SEC24D: variants seen among roughly 807,000 people sequenced by gnomAD.
The protein encoded by SEC24D is SEC24 homolog D, COPII component.
Under a neutral mutation model 116.9 loss-of-function variants are expected in SEC24D, and 69 were observed. The ratio of observed to expected loss-of-function variants is 0.59; its 90% CI spans 0.49 to 0.72. SEC24D has a LOEUF of 0.72. SEC24D is among the 30% of genes least tolerant of loss of function. The pLI is 0.00. For missense variants in SEC24D, 1,131 were observed against 1,264.1 expected (o/e 0.89, Z 1.60); for synonymous variants, 405 against 442.8 (o/e 0.91, Z 1.07).
intron 22 of SEC24D, among the ~76,000 whole-genome samples, chr4:118,724,225 A>G (rs576723314): frequency 2.0e-5 from 3 of 152,176 alleles, no homozygotes; most frequent in Non-Finnish European, 4.4e-5. Context: ...TCTGAATTAG[A>G]GCAGTGGAGG....
chr4:118,769,190 G>A (rs1478249493), intron 8 of SEC24D, among the ~76,000 whole-genome samples: 3 of 152,088 alleles, frequency 2.0e-5, no homozygotes, highest in Admixed American at 6.6e-5. Context: ...AGAAAAAAAC[G>A]TTTCACAGAA....
At chr4:118,788,510 G>A (rs550506288) in intron 8 of SEC24D, among the ~76,000 whole-genome samples, 36 of 152,150 alleles carry the variant, frequency 2.4e-4, no homozygotes, top group Non-Finnish European at 4.6e-4. Context: ...TCATCCAATT[G>A]TTTTACTATT....
intron 8 of SEC24D, among the ~76,000 whole-genome samples, chr4:118,787,566 A>C (rs963413782): frequency 1.3e-5 from 2 of 152,146 alleles, no homozygotes; most frequent in Non-Finnish European, 2.9e-5. Context: ...TAATCCCGGC[A>C]CTTTGGGAGG....
At chr4:118,729,074 T>G (rs1725552471) in intron 21 of SEC24D, 1 of 156,402 alleles carries the variant, frequency 6.4e-6, no homozygotes, top group African/African-American at 2.4e-5. Context: ...GTTTAACAAC[T>G]ATTTACATAG....
At chr4:118,754,751 C>A (rs561617097) in intron 11 of SEC24D, among the ~76,000 whole-genome samples, 8 of 152,242 alleles carry the variant, frequency 5.3e-5, no homozygotes, top group Admixed American at 3.9e-4. Flanking sequence ...AGCACTGACA[C>A]CATGGATTGA....
intron 19 of SEC24D, chr4:118,738,030 T>G (rs1217373290): frequency 4.6e-6 from 2 of 430,144 alleles, no homozygotes; most frequent in Non-Finnish European, 8.5e-6. Flanking sequence ...CATACCGTAG[T>G]GACTGTCAAC....
chr4:118,735,516 GT>G (rs1725913826), intron 19 of SEC24D, among the ~76,000 whole-genome samples: 1 of 151,528 alleles, frequency 6.6e-6, no homozygotes, highest in African/African-American at 2.4e-5. Flanking sequence ...GGTTTTTTTT[GT>G]TTTTCTTTTT....
At chr4:118,803,432 T>G (rs1426287426) in intron 7 of SEC24D, among the ~76,000 whole-genome samples, 1 of 152,136 alleles carries the variant, frequency 6.6e-6, no homozygotes, top group Non-Finnish European at 1.5e-5. Flanking sequence ...CTCCCTAGTC[T>G]TGTGGGTTAC....
chr4:118,764,740 G>C (rs1727555349), intron 10 of SEC24D, 62 bp downstream of exon 10: 4 of 954,662 alleles, frequency 4.2e-6, no homozygotes, highest in Non-Finnish European at 5.0e-6. Context: ...CTTTACATAT[G>C]AAAGTTATTC....
At chr4:118,827,567 G>A (rs1730638997) in intron 2 of SEC24D, among the ~76,000 whole-genome samples, 1 of 152,122 alleles carries the variant, frequency 6.6e-6, no homozygotes, top group African/African-American at 2.4e-5. Context: ...GTCTTGAGGT[G>A]GAAAAGTGAA....
At chr4:118,803,489 A>T (rs1729540187) in intron 7 of SEC24D, among the ~76,000 whole-genome samples, 1 of 152,172 alleles carries the variant, frequency 6.6e-6, no homozygotes, top group African/African-American at 2.4e-5. Context: ...CTTGGGCAAG[A>T]CAGGCTGGGT....
In SEC24D at chr4:118,815,436, C is replaced by A. The variant is rs1425517150; in HGVS notation, c.673+15G>T. 1 of 1,613,300 alleles carries A rather than the reference C, an allele frequency of 6.2e-7. No homozygotes were observed. Among genetic ancestry groups the A allele is most frequent in the East Asian group, 2.2e-5 (1 of 44,870 alleles). ...GGGTAACACAAAGCCTTCCCCTGCA[C>A]CCTGTCCGCCTTACCCTGCTGCGGA... is the stretch of plus-strand genomic sequence containing the variant. On this transcript the variant is annotated intron_variant, in intron 5 of 22. Transcript: ENST00000280551.
rs780561483 is a variant in SEC24D, at chr4:118,752,124, T to G, written c.1614-35A>C. ...ATGAGTAAGCAAAAGGTTTGAAATGTTTAGCATATTTTAATAAACTTCAAG... is the reference window on the plus strand; with the variant it reads ...ATGAGTAAGCAAAAGGTTTGAAATGGTTAGCATATTTTAATAAACTTCAAG... On this transcript the variant is annotated intron_variant, in intron 12 of 22. Transcript: ENST00000280551. 6.1e-6 allele frequency: 8 copies of G among 1,312,908 alleles called. No individual in the cohort carries two copies. The South Asian group carries it at 9.7e-5, about 16-fold the overall frequency. 81.3% of individuals were successfully genotyped at this position (1,312,908 alleles called of 1,614,324 possible).
rs767084708 is a variant in SEC24D at position 118,723,566 on chromosome 4, A to G, written c.3048T>C (p.Tyr1016=). The G allele has an allele frequency of 1.1e-5, 17 of 1,613,906 alleles. No individual in the cohort carries two copies. Among genetic ancestry groups the G allele is most frequent in the East Asian group, 2.2e-5 (1 of 44,888 alleles). ...TGTGAACACAACAAAGGAAATCCAC[A>G]TAAGAAGAGCCTCCGTAAAGTCCTT... ...EDKGLYGGSS[Y]VDFLCCVHKE... Residue 1016 remains tyrosine, a synonymous_variant, in exon 23 of 23, where the codon TAT becomes TAC. Transcript: ENST00000280551.
chr4:118,757,776 C>T lies in SEC24D; in HGVS notation c.1366G>A (p.Gly456Arg). ...TCTTCACATATGAGCTTGACAAGTC[C>T]ATTCTTTATGTTACTATATGAAACA... ...IDVSYSNIKN[G>R]LVKLICEELK... The change falls in exon 11 of 23, where the codon GGA becomes AGA. Residue 456 changes from glycine to arginine, a missense_variant. By Grantham distance (125) the Gly-to-Arg change is moderately radical (BLOSUM62 -2). Transcript: ENST00000280551. The T allele has an allele frequency of 6.2e-7, 1 of 1,611,836 alleles. No homozygotes were observed. Among genetic ancestry groups the T allele is most frequent in the Non-Finnish European group, 8.5e-7 (1 of 1,179,012 alleles).
rs769202646 is a variant in SEC24D, at chr4:118,723,637, G to A, written c.2977C>T (p.Arg993Ter). 6.2e-7 allele frequency: 1 copy of A among 1,611,334 alleles called. No individual in the cohort carries two copies. Among genetic ancestry groups the A allele is most frequent in the East Asian group, 2.2e-5 (1 of 44,846 alleles). The change falls in exon 23 of 23, where the codon CGA (arginine) becomes TGA (stop). Residue 993 changes from arginine to a stop codon, truncating the protein, a stop_gained. Coordinates refer to ENST00000280551, the MANE Select transcript of SEC24D (RefSeq NM_014822.4). LOFTEE classifies it high-confidence loss of function. ...YSMKLTIVKQ[R>*]EQPEMVFRQF... ...CGGAAAACCATTTCTGGTTGTTCTC[G>A]CTGCTTTACAATTGTGAGCTAGGAA... is the stretch of plus-strand genomic sequence containing the variant.
intron 8 of SEC24D, among the ~76,000 whole-genome samples, chr4:118,781,283 G>T (rs1208256771): frequency 1.3e-5 from 2 of 152,060 alleles, no homozygotes; most frequent in Non-Finnish European, 2.9e-5. Flanking sequence ...GGCAGGCCTG[G>T]TGGTGACAAA....
chr4:118,830,438 C>T (rs1427616014), intron 2 of SEC24D, among the ~76,000 whole-genome samples: 2 of 152,158 alleles, frequency 1.3e-5, no homozygotes, highest in East Asian at 3.8e-4. Flanking sequence ...AAAACCCTGT[C>T]TCAAATAAAT....
intron 22 of SEC24D, among the ~76,000 whole-genome samples, chr4:118,726,405 CAATT>C (rs1049493055): frequency 1.3e-5 from 2 of 152,170 alleles, no homozygotes; most frequent in African/African-American, 4.8e-5. Flanking sequence ...GATTGAGAAT[CAATT>C]GTCTTTAGCA....
Sources: allele counts gnomAD v4.1 joint callset (sites outside exome capture counted in the v4.1 genomes callset), GRCh38; gene constraint gnomAD v4.1.1; transcripts MANE v1.5; gene names NCBI Gene and HGNC (gene_info 2026-07-23, HGNC 2026-07-21).